ATXN1L: variants seen among roughly 807,000 people sequenced by gnomAD.
The protein encoded by ATXN1L is ataxin-1-like.
In ATXN1L, 8 loss-of-function variants were observed where a neutral mutation model predicts 43.4. The ratio of observed to expected loss-of-function variants is 0.18; its 90% CI spans 0.11 to 0.33. The LOEUF (loss-of-function observed/expected upper bound fraction) is 0.33, where lower values mean the gene tolerates loss of function less well. ATXN1L is among the 10% of genes least tolerant of loss of function. The pLI is 1.00. For synonymous variants in ATXN1L, 379 were observed against 360.6 expected, an observed-to-expected ratio of 1.05 and a Z score of -0.58; for missense variants, 856 against 885.4, an observed-to-expected ratio of 0.97 and a Z score of 0.42.
Position 71,850,709 on chromosome 16 carries a change from A to G in ATXN1L, c.969A>G (p.Ala323=). 1 of 1,551,722 alleles carries G rather than the reference A, an allele frequency of 6.4e-7. No homozygotes were observed. Among genetic ancestry groups the G allele is most frequent in the Non-Finnish European group, 8.7e-7 (1 of 1,147,004 alleles). ...SGSQTPRVEV[A]APAHRGTPDT... ...CTCAGACTCCACGGGTAGAGGTAGC[A>G]GCACCAGCACACCGGGGGACCCCGG... The change falls in exon 3 of 3, where the codon GCA becomes GCG. Residue 323 remains alanine, a synonymous_variant. Transcript: ENST00000427980.
In ATXN1L at chr16:71,854,858, C is replaced by G. The variant is rs1288676470; in HGVS notation, c.*3048C>G. The stretch of plus-strand genomic sequence containing the variant: ...AACCCAGTCATGGATGGATAATAAG[C>G]CAAGTCTTGAATCATTCCTATCAAG... On this transcript the variant is annotated 3_prime_UTR_variant, in exon 3 of 3. Coordinates refer to ENST00000427980, the MANE Select transcript of ATXN1L (RefSeq NM_001137675.4). 6.0e-6 allele frequency: 1 copy of G among 166,944 alleles called. No homozygotes were observed. The highest frequency in any genetic ancestry group is 1.5e-5 in the Non-Finnish European group (1 of 68,110). The allele number at this position is 166,944 out of a possible 1,614,324, so 10.3% of individuals were successfully genotyped here.
rs1217383613 is a variant in ATXN1L, at chr16:71,854,014, TGAGAAGGCCTTGG to T, written c.*2215_*2227del. On this transcript the variant is annotated 3_prime_UTR_variant, in exon 3 of 3. Transcript: ENST00000427980. ...TTGAGTCTTGAGGAATCCCCTCAAATGAGAAGGCCTTGGGAGAAGGCCTCATCTCTGGCTGTTT... is the reference window on the plus strand; with the variant it reads ...TTGAGTCTTGAGGAATCCCCTCAAATGAGAAGGCCTCATCTCTGGCTGTTT... 1 of 167,116 alleles carries T rather than the reference TGAGAAGGCCTTGG, an allele frequency of 6.0e-6. No individual in the cohort carries two copies. Among genetic ancestry groups the T allele is most frequent in the Non-Finnish European group, 1.5e-5 (1 of 68,128 alleles). 10.4% of individuals were successfully genotyped at this position (167,116 alleles called of 1,614,324 possible).
rs61747485 is a variant in ATXN1L at position 71,850,328 on chromosome 16, C to T, written c.588C>T (p.His196=). ...TPPPQAPSPA[H]SFNKAPSATS... ...CCCCACAGGCTCCCTCCCCGGCCCA[C>T]TCATTTAACAAAGCTCCCTCTGCCA... Residue 196 remains histidine, a synonymous_variant, in exon 3 of 3, where the codon CAC becomes CAT. Transcript: ENST00000427980. The T allele has an allele frequency of 5.8e-6, 9 of 1,551,624 alleles. No individual in the cohort carries two copies. In the African/African-American group the frequency reaches 9.6e-5, roughly 17 times the overall value.
Position 71,850,197 on chromosome 16 carries a change from A to G in ATXN1L, c.457A>G (p.Asn153Asp), listed in dbSNP as rs2033483499. Residue 153 changes from asparagine (N) to aspartate (D), a missense_variant, in exon 3 of 3, where the codon AAT (asparagine) becomes GAT (aspartate). Around this residue, in one of 7 missense-constraint regions of ATXN1L, gnomAD observed 490 missense variants for 449.4 expected, o/e 1.09. Coordinates refer to ENST00000427980, the MANE Select transcript of ATXN1L (RefSeq NM_001137675.4). ...PYSLPYAVPP[N>D]FLPSPLLSPS... is the part of the protein sequence containing the mutation. ...TAGCCTTCCCTATGCTGTGCCACCT[A>G]ATTTCCTACCGAGTCCCCTCCTATC... 6.4e-7 allele frequency: 1 copy of G among 1,551,324 alleles called. No individual in the cohort carries two copies. The highest frequency in any genetic ancestry group is 1.4e-5 in the African/African-American group (1 of 72,916).
intron 2 of ATXN1L, among the ~76,000 whole-genome samples, chr16:71,848,899 A>C (rs1219432742): frequency 6.6e-6 from 1 of 152,172 alleles, no homozygotes; most frequent in African/African-American, 2.4e-5. Flanking sequence ...GTTTGGTAGC[A>C]AAAGGAGAAA....
intron 1 of ATXN1L, among the ~76,000 whole-genome samples, chr16:71,847,097 T>C (rs191130094): frequency 2.6e-5 from 4 of 152,352 alleles, no homozygotes; most frequent in Admixed American, 2.6e-4. Flanking sequence ...CCACCTTTTG[T>C]GTACACCTGC....
At chr16:71,848,712 G>A (rs2033468321) in intron 2 of ATXN1L, among the ~76,000 whole-genome samples, 1 of 151,776 alleles carries the variant, frequency 6.6e-6, no homozygotes, top group Non-Finnish European at 1.5e-5. Context: ...CAAAACACGA[G>A]CAGACCTGAG....
At position 71,850,432 on chromosome 16, in the gene ATXN1L, A is replaced by G. The variant is rs1220066607; in HGVS notation, c.692A>G (p.Tyr231Cys). The change falls in exon 3 of 3, where the codon TAT becomes TGT. Residue 231 changes from tyrosine (Y) to cysteine (C), a missense_variant. Coordinates refer to ENST00000427980, the MANE Select transcript of ATXN1L (RefSeq NM_001137675.4). ...DLAPGRMPIY[Y>C]QMSRLPAGYT... is the part of the protein sequence containing the mutation. Reference sequence around the variant, plus strand: ...GCTCCAGGTCGGATGCCCATTTATTATCAGATGTCCAGGCTACCTGCTGGG... The same window carrying G: ...GCTCCAGGTCGGATGCCCATTTATTGTCAGATGTCCAGGCTACCTGCTGGG... 6.4e-7 allele frequency: 1 copy of G among 1,551,554 alleles called. No homozygotes were observed. The highest frequency in any genetic ancestry group is 2.4e-5 in the East Asian group (1 of 40,926).
rs1311743439 is a variant in ATXN1L at position 71,855,936 on chromosome 16, G to C, written c.*4126G>C. The C allele has an allele frequency of 6.0e-6, 1 of 167,046 alleles. No individual in the cohort carries two copies. Among genetic ancestry groups the C allele is most frequent in the Non-Finnish European group, 1.5e-5 (1 of 68,120 alleles). The allele number at this position is 167,046 out of a possible 1,614,324, so 10.3% of individuals were successfully genotyped here. A position where few individuals can be genotyped will look rare whatever the true frequency, so the allele number is the denominator to read the frequency against. ...GAAGCCTTCACTCTCCAGCTTTCCTGGGGTAGGGAAGGTCTCCCACATTAT... is the reference window on the plus strand; with the variant it reads ...GAAGCCTTCACTCTCCAGCTTTCCTCGGGTAGGGAAGGTCTCCCACATTAT... On this transcript the variant is annotated 3_prime_UTR_variant, in exon 3 of 3. Coordinates refer to ENST00000427980, the MANE Select transcript of ATXN1L (RefSeq NM_001137675.4).
chr16:71,849,988 A>G lies in ATXN1L; in HGVS notation c.248A>G (p.Tyr83Cys), dbSNP rs892032682. 3 of 1,551,558 alleles carry G rather than the reference A, an allele frequency of 1.9e-6. No homozygotes were observed. The highest frequency in any genetic ancestry group is 2.6e-6 in the Non-Finnish European group (3 of 1,146,980). Residue 83 changes from tyrosine to cysteine, a missense_variant, in exon 3 of 3, where the codon TAT becomes TGT. This residue lies in a region of ATXN1L where 93 missense variants were observed against 113.4 expected (regional missense o/e 0.82). Transcript: ENST00000427980. ...GLTVDQYGML[Y>C]KVAVPPATFS... ...ACAGTGGACCAGTATGGCATGCTGT[A>G]TAAGGTGGCTGTGCCGCCTGCCACC...
Position 71,852,033 on chromosome 16 carries a change from C to T in ATXN1L, c.*223C>T. 4.7e-6 allele frequency: 2 copies of T among 425,702 alleles called. No homozygotes were observed. Among genetic ancestry groups the T allele is most frequent in the Non-Finnish European group, 8.2e-6 (2 of 243,314 alleles). 26.4% of individuals were successfully genotyped at this position (425,702 alleles called of 1,614,324 possible). On this transcript the variant is annotated 3_prime_UTR_variant, in exon 3 of 3. Coordinates refer to ENST00000427980, the MANE Select transcript of ATXN1L (RefSeq NM_001137675.4). Reference sequence around the variant, plus strand: ...CAGAGGGTGTTGTGATGGGGAGCAGCAGGCCTGGGGCAAGGAAGGAAGGGG... The same window carrying T: ...CAGAGGGTGTTGTGATGGGGAGCAGTAGGCCTGGGGCAAGGAAGGAAGGGG...
Position 71,851,867 on chromosome 16 carries a change from G to T in ATXN1L, c.*57G>T. The T allele has an allele frequency of 7.2e-7, 1 of 1,381,004 alleles. No individual in the cohort carries two copies. Among genetic ancestry groups the T allele is most frequent in the South Asian group, 2.0e-5 (1 of 49,464 alleles). 85.5% of individuals were successfully genotyped at this position (1,381,004 alleles called of 1,614,324 possible). A position where few individuals can be genotyped will look rare whatever the true frequency, so the allele number is the denominator to read the frequency against. Reference sequence around the variant, plus strand: ...CCCCAGAGCCTCGCCTCGCCGCCGTGAGCAGGCAGAGGATTTGCACACGCC... The same window carrying T: ...CCCCAGAGCCTCGCCTCGCCGCCGTTAGCAGGCAGAGGATTTGCACACGCC... On this transcript the variant is annotated 3_prime_UTR_variant, in exon 3 of 3. Transcript: ENST00000427980. This position sits in a 1 kb window ranked among gnomAD's most constrained non-coding sequence, Gnocchi z 4.9.
Position 71,851,427 on chromosome 16 carries a change from C to T in ATXN1L, c.1687C>T (p.Leu563Phe), listed in dbSNP as rs199683333. The T allele has an allele frequency of 1.8e-4, 274 of 1,551,648 alleles. No individual in the cohort carries two copies. The East Asian group carries it at 6.6e-3, about 37-fold the overall frequency. Residue 563 changes from leucine (L) to phenylalanine (F), a missense_variant, in exon 3 of 3, where the codon CTC (leucine) becomes TTC (phenylalanine). Leu to Phe is a conservative substitution (Grantham distance 22). Transcript: ENST00000427980. This position sits in a 1 kb window ranked among gnomAD's most constrained non-coding sequence, Gnocchi z 4.9. The stretch of plus-strand genomic sequence containing the variant: ...TTGCAGCCCTGGGCGGACGACACAA[C>T]TCTTCTCTCTGCCCTGCCATCGGCT... Reference protein sequence around the residue: ...SSCSPGRTTQLFSLPCHRLQV... With the variant: ...SSCSPGRTTQFFSLPCHRLQV...
intron 1 of ATXN1L, 91 bp downstream of exon 1, chr16:71,846,195 G>T (rs2033440699): frequency 6.2e-6 from 1 of 161,274 alleles, no homozygotes; most frequent in Non-Finnish European, 1.4e-5. Context: ...CCGTTGCTCC[G>T]GCGGGCCGGG....
chr16:71,847,737 G>T (rs76702063), intron 1 of ATXN1L, among the ~76,000 whole-genome samples: 10,339 of 152,142 alleles, frequency 0.068, 449 homozygotes, highest in Middle Eastern at 0.11. Context: ...GGCACAGGTA[G>T]ATGTTAGGGA....
intron 2 of ATXN1L, 153 bp downstream of exon 2, chr16:71,848,224 A>C (rs2033462926): frequency 2.8e-6 from 1 of 356,026 alleles, no homozygotes; most frequent in African/African-American, 2.1e-5. Flanking sequence ...ATGTGCACTG[A>C]AGTGTTCAGA....
At chr16:71,847,373 C>G (rs1300034663) in intron 1 of ATXN1L, among the ~76,000 whole-genome samples, 3 of 152,076 alleles carry the variant, frequency 2.0e-5, no homozygotes, top group African/African-American at 7.2e-5. Context: ...TCTTTCATAC[C>G]TGATTCAGCA....
chr16:71,847,676 T>G lies in ATXN1L; in HGVS notation c.-179-334T>G, dbSNP rs182343802. Reference sequence around the variant, plus strand: ...CAGTGTTAAAGCTTCCATTTTTATTTGTGCGTTTATCTGAAATTTGGATTG... The same window carrying G: ...CAGTGTTAAAGCTTCCATTTTTATTGGTGCGTTTATCTGAAATTTGGATTG... On this transcript the variant is annotated intron_variant, in intron 1 of 2. Coordinates refer to ENST00000427980, the MANE Select transcript of ATXN1L (RefSeq NM_001137675.4). Among the ~76,000 whole-genome samples, 119 of 152,308 alleles carry G rather than the reference T, an allele frequency of 7.8e-4. 1 individual carries two copies. The highest frequency in any genetic ancestry group is 2.7e-3 in the African/African-American group (111 of 41,568).
chr16:71,849,212 GT>G (rs386385029), intron 2 of ATXN1L, among the ~76,000 whole-genome samples: 30,470 of 57,946 alleles, frequency 0.53, 8,889 homozygotes, highest in East Asian at 0.85. Context: ...AACTCCATGT[GT>G]TTTAAAAAAA....
Sources: gnomAD v4.1 joint callset for allele counts (sites outside exome capture counted in the v4.1 genomes callset) on GRCh38, gnomAD v4.1.1 for gene constraint, gnomAD v4.1.1 regional missense constraint, Gnocchi (gnomAD v3.1) non-coding constraint, MANE v1.5 for transcripts, NCBI Gene and HGNC (gene_info 2026-07-23, HGNC 2026-07-21) for gene names.